DDX10: variants seen among roughly 807,000 people sequenced by gnomAD.
The protein encoded by DDX10 is probable ATP-dependent RNA helicase DDX10.
DDX10 carries 74 observed loss-of-function variants against 104.3 expected under a neutral mutation model. The ratio of observed to expected loss-of-function variants is 0.71; its 90% CI spans 0.59 to 0.86. DDX10 has a LOEUF of 0.86. Ranked by LOEUF, DDX10 falls within the 40% of genes least tolerant of loss-of-function variation. The pLI, the probability that DDX10 is intolerant of heterozygous loss-of-function variation, is 0.00. For synonymous variants in DDX10, 351 were observed against 353.4 expected (o/e 0.99, Z 0.08); for missense variants, 952 against 1,040.0 (o/e 0.92, Z 1.16).
chr11:108,857,993 CTATTAGT>C (rs1187097477), intron 16 of DDX10, among the ~76,000 whole-genome samples: 3 of 152,150 alleles, frequency 2.0e-5, no homozygotes, highest in Non-Finnish European at 2.9e-5. Flanking sequence ...TGTGCATCTC[CTATTAGT>C]TACTATAAAA....
intron 13 of DDX10, among the ~76,000 whole-genome samples, chr11:108,823,350 G>C (rs889471535): frequency 6.6e-6 from 1 of 152,166 alleles, no homozygotes; most frequent in Non-Finnish European, 1.5e-5. Context: ...AACGTAGCTT[G>C]GTTGTGGTAG....
chr11:108,788,519 C>A (rs1181234517), intron 13 of DDX10, among the ~76,000 whole-genome samples: 1 of 152,120 alleles, frequency 6.6e-6, no homozygotes, highest in African/African-American at 2.4e-5. Flanking sequence ...TGCGCCACCA[C>A]GCCTGGCTAA....
Position 108,917,828 on chromosome 11 carries a change from C to T in DDX10, c.2305-45C>T, listed in dbSNP as rs776682633. 5.6e-6 allele frequency: 9 copies of T among 1,595,788 alleles called. No individual in the cohort carries two copies. In the East Asian group the frequency reaches 1.8e-4, roughly 32 times the overall value. On this transcript the variant is annotated intron_variant, in intron 16 of 17. Transcript: ENST00000322536. ...CTGCAAATAAAACCTGATTATTTAT[C>T]AACTGACTTCTTCAACTGCAGTTTC...
chr11:108,758,297 C>G (rs910244083), intron 13 of DDX10, among the ~76,000 whole-genome samples: 1 of 151,996 alleles, frequency 6.6e-6, no homozygotes. Context: ...CCATCTCAGT[C>G]TATAAGAGAT....
At chr11:108,803,319 C>T (rs909796569) in intron 13 of DDX10, among the ~76,000 whole-genome samples, 2 of 151,360 alleles carry the variant, frequency 1.3e-5, no homozygotes, top group African/African-American at 2.4e-5. Context: ...TCAGGCCAGC[C>T]ACGGCGGCTC....
At chr11:108,755,284 A>G (rs1353872521) in intron 13 of DDX10, among the ~76,000 whole-genome samples, 2 of 152,024 alleles carry the variant, frequency 1.3e-5, no homozygotes, top group Non-Finnish European at 2.9e-5. Flanking sequence ...CCTGGAGAAA[A>G]TCCTTGAAGT....
At chr11:108,769,675 G>A (rs898351578) in intron 13 of DDX10, among the ~76,000 whole-genome samples, 4 of 151,962 alleles carry the variant, frequency 2.6e-5, no homozygotes, top group Non-Finnish European at 5.9e-5. Flanking sequence ...GCTTCCCACC[G>A]TGGGAATTTT....
intron 13 of DDX10, among the ~76,000 whole-genome samples, chr11:108,769,044 A>G (rs1246360202): frequency 5.8e-4 from 88 of 152,122 alleles, no homozygotes; most frequent in Admixed American, 5.7e-3. Context: ...CATGTGCTAT[A>G]GCTTGGACTA....
chr11:108,725,917 C>A (rs567527054), intron 13 of DDX10, among the ~76,000 whole-genome samples: 1 of 151,944 alleles, frequency 6.6e-6, no homozygotes. Flanking sequence ...TTAGCACTTA[C>A]AATTTGGGCT....
intron 16 of DDX10, among the ~76,000 whole-genome samples, chr11:108,885,881 A>G (rs1863290396): frequency 6.6e-6 from 1 of 152,224 alleles, no homozygotes; most frequent in South Asian, 2.1e-4. Flanking sequence ...CAGGCAATTC[A>G]GCTAAGTCAC....
intron 1 of DDX10, 57 bp downstream of exon 1, chr11:108,665,396 C>T: frequency 6.7e-7 from 1 of 1,497,886 alleles, no homozygotes; most frequent in Non-Finnish European, 8.9e-7. Flanking sequence ...CAGCGTCTCA[C>T]TGCGGCGAGG....
chr11:108,795,792 C>G (rs1861933175), intron 13 of DDX10, among the ~76,000 whole-genome samples: 1 of 152,092 alleles, frequency 6.6e-6, no homozygotes, highest in Non-Finnish European at 1.5e-5. Context: ...AATAGTGCCT[C>G]AATAAACACG....
At chr11:108,712,408 G>A (rs1425889863) in intron 10 of DDX10, among the ~76,000 whole-genome samples, 2 of 151,528 alleles carry the variant, frequency 1.3e-5, no homozygotes, top group Non-Finnish European at 2.9e-5. Flanking sequence ...TTGTGATTCT[G>A]AGCATTTTAT....
intron 13 of DDX10, among the ~76,000 whole-genome samples, chr11:108,729,144 A>G (rs554547052): frequency 6.6e-6 from 1 of 152,014 alleles, no homozygotes; most frequent in Non-Finnish European, 1.5e-5. Flanking sequence ...TGTTTCAAAA[A>G]TTTTACCCCC....
At chr11:108,754,419 G>C (rs369274763) in intron 13 of DDX10, among the ~76,000 whole-genome samples, 3 of 152,008 alleles carry the variant, frequency 2.0e-5, no homozygotes, top group East Asian at 3.9e-4. Context: ...GAGTTTTCAG[G>C]TGGAATGAGG....
At chr11:108,775,653 T>C (rs1212419566) in intron 13 of DDX10, among the ~76,000 whole-genome samples, 2 of 152,250 alleles carry the variant, frequency 1.3e-5, no homozygotes, top group East Asian at 3.8e-4. Flanking sequence ...TATTAAAAAA[T>C]GTGACTTCAG....
At chr11:108,688,200 T>A (rs2094247332) in intron 6 of DDX10, among the ~76,000 whole-genome samples, 1 of 152,246 alleles carries the variant, frequency 6.6e-6, no homozygotes. Context: ...TATATGTGTG[T>A]GTTTAAAACC....
intron 13 of DDX10, among the ~76,000 whole-genome samples, chr11:108,800,756 A>G (rs1050470298): frequency 3.9e-5 from 6 of 152,192 alleles, no homozygotes; most frequent in Non-Finnish European, 8.8e-5. Context: ...AATTTATTTG[A>G]ATAGTATGTT....
intron 13 of DDX10, among the ~76,000 whole-genome samples, chr11:108,802,808 G>GTTT (rs1474298982): frequency 1.3e-5 from 2 of 152,102 alleles, no homozygotes; most frequent in African/African-American, 2.4e-5. Flanking sequence ...CATGATATCT[G>GTTT]TTTCATGAAT....
Sources: gnomAD v4.1 joint callset for allele counts (sites outside exome capture counted in the v4.1 genomes callset) on GRCh38, gnomAD v4.1.1 for gene constraint, MANE v1.5 for transcripts, NCBI Gene and HGNC (gene_info 2026-07-23, HGNC 2026-07-21) for gene names.